The following RANBP2 variants were observed in gnomAD, a reference collection of about 807,000 sequenced individuals.
The protein encoded by RANBP2 is E3 SUMO-protein ligase RanBP2.
In RANBP2, 57 loss-of-function variants were observed where a neutral mutation model predicts 303.6. The observed-to-expected ratio is 0.19, with a 90% confidence interval of 0.15 to 0.23. RANBP2 has a LOEUF of 0.23. Ranked by LOEUF, RANBP2 falls within the 10% of genes least tolerant of loss-of-function variation. The probability of loss-of-function intolerance (pLI) is 1.00; values close to 1 mark genes in which losing one functional copy is unlikely to be tolerated. For synonymous variants in RANBP2, 1,167 were observed against 1,301.5 expected (o/e 0.90, Z 2.23); for missense variants, 3,138 against 3,780.8 (o/e 0.83, Z 4.46).
At chr2:108,909,272 G>A in the RANBP2 span, among the ~76,000 whole-genome samples, 2 of 152,214 alleles carry the variant, frequency 1.3e-5, no homozygotes, top group Non-Finnish European at 1.5e-5. Context: ...GACAGAATGA[G>A]ATAAGGCTGG....
the RANBP2 span, among the ~76,000 whole-genome samples, chr2:109,198,491 A>G: frequency 6.6e-6 from 1 of 152,194 alleles, no homozygotes; most frequent in Non-Finnish European, 1.5e-5. Flanking sequence ...TCAGGCTGCT[A>G]TAACAAAATA....
the RANBP2 span, among the ~76,000 whole-genome samples, chr2:108,819,364 A>G: frequency 5.9e-5 from 9 of 152,300 alleles, no homozygotes; most frequent in Admixed American, 4.6e-4. Flanking sequence ...AATGGACTGC[A>G]TGTTCAATAT....
chr2:109,216,984 A>G, the RANBP2 span, among the ~76,000 whole-genome samples: 2 of 151,992 alleles, frequency 1.3e-5, no homozygotes, highest in African/African-American at 2.4e-5. Context: ...CCACTCTTCT[A>G]CTTTGTTTCT....
chr2:109,362,471 T>C, the RANBP2 span, among the ~76,000 whole-genome samples: 1 of 152,196 alleles, frequency 6.6e-6, no homozygotes, highest in East Asian at 1.9e-4. Flanking sequence ...AAGGTGTGTT[T>C]TGCAGACCAG....
chr2:108,858,299 G>T, the RANBP2 span, among the ~76,000 whole-genome samples: 1 of 152,156 alleles, frequency 6.6e-6, no homozygotes, highest in Non-Finnish European at 1.5e-5. Flanking sequence ...AGCCAAGATT[G>T]TGCCACTGTA....
the RANBP2 span, among the ~76,000 whole-genome samples, chr2:108,872,611 G>A: frequency 1.3e-5 from 2 of 152,046 alleles, no homozygotes; most frequent in Non-Finnish European, 2.9e-5. Flanking sequence ...TCAAGATGCT[G>A]GCATCTTGCG....
the RANBP2 span, among the ~76,000 whole-genome samples, chr2:109,551,641 T>A: frequency 0.082 from 12,431 of 152,262 alleles, 520 homozygotes; most frequent in Non-Finnish European, 0.089. Context: ...TTCTGTTGTT[T>A]GAACTTTTTC....
chr2:109,277,616 C>G, the RANBP2 span, among the ~76,000 whole-genome samples: 8 of 152,328 alleles, frequency 5.3e-5, no homozygotes, highest in African/African-American at 9.6e-5. Flanking sequence ...GCGTGCGTAG[C>G]TCAGAACTGA....
the RANBP2 span, among the ~76,000 whole-genome samples, chr2:108,878,783 G>A: frequency 1.3e-5 from 2 of 152,138 alleles, no homozygotes; most frequent in East Asian, 3.9e-4. Flanking sequence ...AGAGATGAAA[G>A]AGGAGCTGTT....
chr2:108,850,708 C>T, the RANBP2 span, among the ~76,000 whole-genome samples: 1 of 152,180 alleles, frequency 6.6e-6, no homozygotes, highest in African/African-American at 2.4e-5. Flanking sequence ...GCCTCAACCT[C>T]CCAAAGTGCT....
At chr2:108,786,393 C>T (rs1014756223), downstream of RANBP2, among the ~76,000 whole-genome samples, 13 of 151,984 alleles carry the variant, frequency 8.6e-5, no homozygotes, top group African/African-American at 3.1e-4. Flanking sequence ...ACTCCCGGCT[C>T]AGATATACTC....
the RANBP2 span, among the ~76,000 whole-genome samples, chr2:109,701,888 C>G: frequency 6.6e-6 from 1 of 152,206 alleles, no homozygotes; most frequent in African/African-American, 2.4e-5. Flanking sequence ...GCCAGTCAGT[C>G]CCTGAGCTTC....
the RANBP2 span, among the ~76,000 whole-genome samples, chr2:109,355,717 G>GC: frequency 1.3e-5 from 2 of 152,164 alleles, no homozygotes; most frequent in African/African-American, 4.8e-5. Context: ...CCCTGGGGAC[G>GC]CCCTCCTCTG....
the RANBP2 span, among the ~76,000 whole-genome samples, chr2:109,590,019 T>C: frequency 6.6e-6 from 1 of 150,774 alleles, no homozygotes; most frequent in Non-Finnish European, 1.5e-5. Flanking sequence ...CATATATATA[T>C]ATACACACAC....
chr2:109,328,243 A>G, the RANBP2 span, among the ~76,000 whole-genome samples: 1 of 152,192 alleles, frequency 6.6e-6, no homozygotes, highest in Non-Finnish European at 1.5e-5. Flanking sequence ...TGTTTTGTTC[A>G]AACCTGGATT....
the RANBP2 span, among the ~76,000 whole-genome samples, chr2:109,670,229 G>C: frequency 6.6e-6 from 1 of 151,536 alleles, no homozygotes; most frequent in South Asian, 2.1e-4. Context: ...TTCTGATTGG[G>C]TGAGACAAAA....
At chr2:108,889,891 A>G in the RANBP2 span, among the ~76,000 whole-genome samples, 1 of 152,004 alleles carries the variant, frequency 6.6e-6, no homozygotes, top group Non-Finnish European at 1.5e-5. Flanking sequence ...GTGGGTTTCT[A>G]TAGTGGTACC....
chr2:109,657,793 CACT>C, the RANBP2 span, among the ~76,000 whole-genome samples: 1 of 143,010 alleles, frequency 7.0e-6, no homozygotes, highest in Non-Finnish European at 1.5e-5. Flanking sequence ...AATCTTGGCT[CACT>C]GCAACCTCCT....
At chr2:108,930,201 G>C in the RANBP2 span, 1 of 1,614,102 alleles carries the variant, frequency 6.2e-7, no homozygotes, top group Non-Finnish European at 8.5e-7. Flanking sequence ...CGTTCTCACC[G>C]CAGTTTGAGT....
Sources: allele counts gnomAD v4.1 joint callset (sites outside exome capture counted in the v4.1 genomes callset), GRCh38; gene constraint gnomAD v4.1.1; transcripts MANE v1.5; gene names NCBI Gene and HGNC (gene_info 2026-07-23, HGNC 2026-07-21).